Variants in RIMBP2 observed in about 807,000 individuals in gnomAD.
The protein encoded by RIMBP2 is RIMS binding protein 2.
In RIMBP2, 48 loss-of-function variants were observed where a neutral mutation model predicts 118.6. The ratio of observed to expected loss-of-function variants is 0.40; its 90% confidence interval spans 0.32 to 0.51. The LOEUF (loss-of-function observed/expected upper bound fraction) is 0.51, where lower values mean the gene tolerates loss of function less well. Ranked by LOEUF, RIMBP2 falls within the 20% of genes least tolerant of loss-of-function variation. RIMBP2 has a pLI of 0.41. For missense variants in RIMBP2, 1,551 were observed against 1,768.3 expected (o/e 0.88, Z 2.20); for synonymous variants, 762 against 742.9 (o/e 1.03, Z -0.42).
At chr12:130,671,570 T>C (rs1342478660) in intron 1 of RIMBP2, among the ~76,000 whole-genome samples, 1 of 152,132 alleles carries the variant, frequency 6.6e-6, no homozygotes, top group Non-Finnish European at 1.5e-5. Flanking sequence ...CCCCAAAGAT[T>C]TGTTCAAGCC....
intron 6 of RIMBP2, among the ~76,000 whole-genome samples, chr12:130,461,474 C>T (rs2079988364): frequency 6.6e-6 from 1 of 152,118 alleles, no homozygotes; most frequent in Non-Finnish European, 1.5e-5. Context: ...TTCTGGTTTC[C>T]CAGGAGCAGC....
chr12:130,503,845 C>A (rs913520279), intron 4 of RIMBP2, among the ~76,000 whole-genome samples: 10 of 152,196 alleles, frequency 6.6e-5, no homozygotes, highest in African/African-American at 1.9e-4. Flanking sequence ...TTAGTTCTTT[C>A]TTCTCTTTAT....
chr12:130,710,210 C>A lies in RIMBP2; in HGVS notation c.-352+6012G>T, dbSNP rs1223081812. On this transcript the variant is annotated intron_variant, in intron 1 of 22. Coordinates refer to ENST00000690449, the MANE Select transcript of RIMBP2 (RefSeq NM_001393629.1). This position sits in a 1 kb window ranked among gnomAD's most constrained non-coding sequence, Gnocchi z 4.3. ...GCAGATCCATTCCTCCCTCTGCCCT[C>A]GGGGCCTGAACCTCTCTCCCAGGTG... Among the ~76,000 whole-genome samples, 1 of 152,120 alleles carries A rather than the reference C, an allele frequency of 6.6e-6. No individual in the cohort carries two copies. The highest frequency in any genetic ancestry group is 6.5e-5 in the Admixed American group (1 of 15,278).
At position 130,456,798 on chromosome 12, in the gene RIMBP2, CTG is replaced by C. The variant is rs145213827; in HGVS notation, c.154-100_154-99del. 1,472 of 860,966 alleles carry C rather than the reference CTG, an allele frequency of 1.7e-3. 16 individuals are homozygous for C. The African/African-American group carries it at 0.023, about 13-fold the overall frequency. The allele number at this position is 860,966 out of a possible 1,614,324, so 53.3% of individuals were successfully genotyped here. On this transcript the variant is annotated intron_variant, in intron 6 of 22. Transcript: ENST00000690449. ...TGTGTTGTACGTGTGCACATGTGCA[CTG>C]TGTGCACGTGTGTACACACGTGTTG...
At position 130,712,466 on chromosome 12, in the gene RIMBP2, CG is replaced by C. The variant is rs540995344; in HGVS notation, c.-352+3755del. Among the ~76,000 whole-genome samples the C allele has an allele frequency of 7.2e-4, 110 of 152,196 alleles. 1 individual carries two copies. The highest frequency in any genetic ancestry group is 2.4e-3 in the African/African-American group (101 of 41,530). On this transcript the variant is annotated intron_variant, in intron 1 of 22. Coordinates refer to ENST00000690449, the MANE Select transcript of RIMBP2 (RefSeq NM_001393629.1). ...ACACACACGTTCACCTAGGCCTCCC[CG>C]GGGCCAGCATCATCACATCACCGCC... is the stretch of plus-strand genomic sequence containing the variant.
intron 2 of RIMBP2, among the ~76,000 whole-genome samples, chr12:130,571,612 G>T (rs901577184): frequency 1.3e-5 from 2 of 151,988 alleles, no homozygotes; most frequent in Admixed American, 1.3e-4. Flanking sequence ...TAGAGACGGG[G>T]TTTTACCATG....
At chr12:130,530,398 A>G (rs1190125255) in intron 2 of RIMBP2, among the ~76,000 whole-genome samples, 2 of 152,274 alleles carry the variant, frequency 1.3e-5, no homozygotes, top group African/African-American at 4.8e-5. Context: ...GTAATTTATA[A>G]GCTATTTTCC....
chr12:130,627,377 G>A (rs2061709887), intron 2 of RIMBP2, among the ~76,000 whole-genome samples: 1 of 152,226 alleles, frequency 6.6e-6, no homozygotes, highest in Non-Finnish European at 1.5e-5. Context: ...ACCCAAGATT[G>A]TCTCATGATC....
At chr12:130,611,674 C>T (rs2060563315) in intron 2 of RIMBP2, among the ~76,000 whole-genome samples, 1 of 152,174 alleles carries the variant, frequency 6.6e-6, no homozygotes, top group South Asian at 2.1e-4. Context: ...GCTTTCTCCT[C>T]CAACAGCTCG....
At chr12:130,560,366 C>T (rs750206370) in intron 2 of RIMBP2, among the ~76,000 whole-genome samples, 3 of 152,120 alleles carry the variant, frequency 2.0e-5, no homozygotes, top group Non-Finnish European at 4.4e-5. Flanking sequence ...CGGTGGTCAT[C>T]TTGGTCTGGA....
intron 4 of RIMBP2, among the ~76,000 whole-genome samples, chr12:130,480,422 C>G (rs935992689): frequency 6.6e-6 from 1 of 152,238 alleles, no homozygotes; most frequent in Non-Finnish European, 1.5e-5. Flanking sequence ...CCCCCCATGT[C>G]CCCTGACATC....
In RIMBP2 at chr12:130,442,644, G is replaced by A; in HGVS notation, c.708C>T (p.Gly236=). 1.2e-6 allele frequency: 2 copies of A among 1,613,904 alleles called. No individual in the cohort carries two copies. Among genetic ancestry groups the A allele is most frequent in the Non-Finnish European group, 1.7e-6 (2 of 1,179,888 alleles). Residue 236 remains glycine (G), a synonymous_variant, in exon 11 of 23, where the codon GGC becomes GGT. Coordinates refer to ENST00000690449, the MANE Select transcript of RIMBP2 (RefSeq NM_001393629.1). The surrounding 1 kb of genome is among the most constrained non-coding windows in gnomAD (Gnocchi z 6.9). ...DGFYEGELLD[G]QRGLVPSNFV... ...AGTTGGAGGGCACCAGACCCCTCTG[G>A]CCATCGAGGAGCTCTCCTGTTGGGT...
chr12:130,575,756 G>T (rs1566292474), intron 2 of RIMBP2, among the ~76,000 whole-genome samples: 1 of 152,370 alleles, frequency 6.6e-6, no homozygotes, highest in East Asian at 1.9e-4. Context: ...AGCAGAGGCT[G>T]CTCAGATGTG....
chr12:130,481,210 A>AGGGCGGGGGCACCCAGGCT (rs1289278749), intron 4 of RIMBP2, among the ~76,000 whole-genome samples: 13 of 88,104 alleles, frequency 1.5e-4, no homozygotes, highest in Admixed American at 2.9e-4. Flanking sequence ...GAGGAGGCAG[A>AGGGCGGGGGCACCCAGGCT]CAGGCTGATT....
chr12:130,557,095 C>A (rs902384820), intron 2 of RIMBP2, among the ~76,000 whole-genome samples: 2 of 152,128 alleles, frequency 1.3e-5, no homozygotes, highest in Admixed American at 1.3e-4. Flanking sequence ...GTAGAGCAGA[C>A]CCTCGTCTCA....
chr12:130,439,596 G>A (rs1317375629), intron 11 of RIMBP2, among the ~76,000 whole-genome samples: 3 of 95,920 alleles, frequency 3.1e-5, no homozygotes, highest in Non-Finnish European at 6.1e-5. Context: ...TATGTGTGTG[G>A]GGGTGTGTTT....
rs113121578 is a variant in RIMBP2 at position 130,652,902 on chromosome 12, C to T, written c.-351-24446G>A. 2.4e-3 allele frequency among the ~76,000 whole-genome samples: 372 copies of T among 152,238 alleles called. 3 individuals carry two copies. The highest frequency in any genetic ancestry group is 8.3e-3 in the African/African-American group (345 of 41,546). On this transcript the variant is annotated intron_variant, in intron 1 of 22. Transcript: ENST00000690449. ...ACAATCAGATCTCACGTGAACTAAC[C>T]AAGTGAGGACTCACAATGGTGCTAA...
intron 1 of RIMBP2, among the ~76,000 whole-genome samples, chr12:130,643,831 A>G (rs57261020): frequency 0.024 from 3,687 of 152,222 alleles, 134 homozygotes; most frequent in African/African-American, 0.084. Flanking sequence ...GTTTCAGCTC[A>G]TGAGAGTGAA....
Position 130,424,179 on chromosome 12 carries a change from T to TG in RIMBP2, c.3091dup (p.His1031ProfsTer63), listed in dbSNP as rs1166302379. 4.9e-6 allele frequency: 6 copies of TG among 1,231,912 alleles called. No individual in the cohort carries two copies. The African/African-American group carries it at 6.2e-5, about 13-fold the overall frequency. The allele number at this position is 1,231,912 out of a possible 1,614,324, so 76.3% of individuals were successfully genotyped here. A position where few individuals can be genotyped will look rare whatever the true frequency, so the allele number is the denominator to read the frequency against. ...TGCGACTCTGGGAGGTGGCTTTGCG[T>TG]GGGGGGCAGCTGCCCTACTGTCGGG... is the stretch of plus-strand genomic sequence containing the variant. On this transcript the variant is annotated frameshift_variant, in exon 16 of 23. Coordinates refer to ENST00000690449, the MANE Select transcript of RIMBP2 (RefSeq NM_001393629.1). LOFTEE classifies it high-confidence loss of function. The surrounding 1 kb of genome is among the most constrained non-coding windows in gnomAD (Gnocchi z 9.8).
Sources: allele counts gnomAD v4.1 joint callset (sites outside exome capture counted in the v4.1 genomes callset), GRCh38; gene constraint gnomAD v4.1.1; non-coding constraint Gnocchi (gnomAD v3.1); transcripts MANE v1.5; gene names NCBI Gene and HGNC (gene_info 2026-07-23, HGNC 2026-07-21).